The following SYAP1 variants were observed in gnomAD, a reference collection of about 807,000 sequenced individuals.
The protein encoded by SYAP1 is synapse associated protein 1, also known as synapse-associated protein 1.
Under a neutral mutation model 29.6 loss-of-function variants are expected in SYAP1, and 3 were observed. The observed-to-expected ratio is 0.10, with a 90% CI of 0.05 to 0.26. The LOEUF (loss-of-function observed/expected upper bound fraction) is 0.26. Among genes scored for constraint, SYAP1 ranks in the 10% least tolerant of loss-of-function variants. SYAP1 has a pLI of 1.00. For missense variants in SYAP1, 217 were observed against 264.1 expected (o/e 0.82, Z 1.24); for synonymous variants, 102 against 102.7 (o/e 0.99, Z 0.04).
chrX:16,746,522 C>A (rs933390171), intron 5 of SYAP1, among the ~76,000 whole-genome samples: 1 of 111,251 alleles, frequency 9.0e-6, no homozygotes, highest in Admixed American at 9.6e-5. Context: ...CAGGCGTGAG[C>A]CACTGCGCCC....
At chrX:16,757,879 C>G (rs1926885703) in intron 8 of SYAP1, among the ~76,000 whole-genome samples, 1 of 108,918 alleles carries the variant, frequency 9.2e-6, no homozygotes, top group Admixed American at 9.9e-5. Flanking sequence ...TGCACTCCAG[C>G]CTGGGTGACA....
rs1445192126 is a variant in SYAP1 at position 16,762,870 on chromosome X, C to G, written c.*2511C>G. ...CTGGTCTAATATGCTCTCAGGGAAG[C>G]TGAGGTTTCTACTGCTTTTTACTTT... On this transcript the variant is annotated 3_prime_UTR_variant, in exon 9 of 9. Transcript: ENST00000380155. 1 of 111,591 alleles carries G rather than the reference C, an allele frequency of 9.0e-6. No homozygotes were observed. The highest frequency in any genetic ancestry group is 1.9e-5 in the Non-Finnish European group (1 of 53,192). 9.2% of individuals were successfully genotyped at this position (111,591 alleles called of 1,213,427 possible).
chrX:16,754,162 GAAC>G (rs1287375768), intron 5 of SYAP1, among the ~76,000 whole-genome samples: 1 of 111,417 alleles, frequency 9.0e-6, no homozygotes, highest in East Asian at 2.8e-4. Flanking sequence ...CTTTCATAAG[GAAC>G]AACAGCCACA....
At chrX:16,728,302 A>G (rs1386803822) in intron 1 of SYAP1, among the ~76,000 whole-genome samples, 4 of 111,516 alleles carry the variant, frequency 3.6e-5, no homozygotes, top group Non-Finnish European at 3.8e-5. Flanking sequence ...ACAATCTCCA[A>G]AGTTATCAGA....
chrX:16,744,964 C>G (rs759700633), intron 5 of SYAP1, among the ~76,000 whole-genome samples: 1 of 112,408 alleles, frequency 8.9e-6, no homozygotes, highest in African/African-American at 3.2e-5. Context: ...GAGACCCTGT[C>G]TCAAATAAAA....
At chrX:16,753,756 T>C (rs1362346182) in intron 5 of SYAP1, among the ~76,000 whole-genome samples, 2 of 111,891 alleles carry the variant, frequency 1.8e-5, no homozygotes, top group African/African-American at 6.5e-5. Context: ...TGGTGCTACC[T>C]CATGACGGAG....
chrX:16,748,595 TA>T (rs890688792), intron 5 of SYAP1, among the ~76,000 whole-genome samples: 17 of 111,881 alleles, frequency 1.5e-4, no homozygotes, highest in Non-Finnish European at 2.6e-4. Context: ...CTGATGACAG[TA>T]GGGAAATCAC....
At chrX:16,727,608 G>T (rs1167970006) in intron 1 of SYAP1, among the ~76,000 whole-genome samples, 1 of 111,217 alleles carries the variant, frequency 9.0e-6, no homozygotes, top group Non-Finnish European at 1.9e-5. Flanking sequence ...CTCCCGAAGT[G>T]CTGGGATTAC....
At chrX:16,755,262 A>T (rs1213123940) in intron 6 of SYAP1, among the ~76,000 whole-genome samples, 169 bp downstream of exon 6, 9 of 111,301 alleles carry the variant, frequency 8.1e-5, no homozygotes, top group African/African-American at 2.9e-4. Flanking sequence ...GACCCAGCTC[A>T]CACATGTCTT....
intron 1 of SYAP1, among the ~76,000 whole-genome samples, chrX:16,730,651 A>G (rs917421745): frequency 1.8e-5 from 2 of 112,464 alleles, no homozygotes; most frequent in Admixed American, 9.5e-5. Context: ...TTTAAATTGT[A>G]CAATATTTGT....
At chrX:16,745,200 G>C (rs1926569541) in intron 5 of SYAP1, among the ~76,000 whole-genome samples, 1 of 112,099 alleles carries the variant, frequency 8.9e-6, no homozygotes, top group African/African-American at 3.2e-5. Context: ...CTCCTGCCTG[G>C]CTGCAGGCAG....
chrX:16,719,675 C>T lies in SYAP1; in HGVS notation c.-50C>T. 3 of 1,174,656 alleles carry T rather than the reference C, an allele frequency of 2.6e-6. No individual in the cohort carries two copies. The highest frequency in any genetic ancestry group is 4.9e-5 in the Admixed American group (2 of 40,662). ...AGAGTGGAGTCAAAGGCAACCAGTG[C>T]TCGCTGCGGTCTCTGGGGATCGGGA... On this transcript the variant is annotated 5_prime_UTR_variant, in exon 1 of 9. Coordinates refer to ENST00000380155, the MANE Select transcript of SYAP1 (RefSeq NM_032796.4).
At chrX:16,735,107 A>T (rs1698556131) in intron 1 of SYAP1, 120 bp from the exon 2 acceptor site, 2 of 411,145 alleles carry the variant, frequency 4.9e-6, no homozygotes, top group Non-Finnish European at 8.3e-6. Context: ...AGTGCTTCTC[A>T]TTACTTGTTT....
rs766185365 is a variant in SYAP1 at position 16,727,430 on chromosome X, G to A, written c.175+7531G>A. Among the ~76,000 whole-genome samples the A allele has an allele frequency of 5.9e-5, 6 of 102,274 alleles. No individual in the cohort carries two copies. In the East Asian group the frequency reaches 1.5e-3, roughly 26 times the overall value. 88.8% of individuals were successfully genotyped at this position (102,274 alleles called of 115,157 possible). On this transcript the variant is annotated intron_variant, in intron 1 of 8. Transcript: ENST00000380155. ...ATGATCTCGGCTCACTGCAACCTCC[G>A]CCTCCCGGGTTCAAGTGATTCTTCT... is the stretch of plus-strand genomic sequence containing the variant.
Position 16,764,396 on chromosome X carries a change from T to TG in SYAP1, c.*4038dup, listed in dbSNP as rs1290983108. Reference sequence around the variant, plus strand: ...TTTTTTTTGAGATGGAGGCTCACTCTGTTGCCCTGGCTGGAGTGCAGTGGC... The same window carrying TG: ...TTTTTTTTGAGATGGAGGCTCACTCTGGTTGCCCTGGCTGGAGTGCAGTGGC... On this transcript the variant is annotated 3_prime_UTR_variant, in exon 9 of 9. Transcript: ENST00000380155. The TG allele has an allele frequency of 9.7e-6, 1 of 102,637 alleles. No homozygotes were observed. Among genetic ancestry groups the TG allele is most frequent in the Admixed American group, 1.1e-4 (1 of 9,519 alleles). 8.5% of individuals were successfully genotyped at this position (102,637 alleles called of 1,213,427 possible).
chrX:16,729,631 G>A (rs1049096208), intron 1 of SYAP1, among the ~76,000 whole-genome samples: 4 of 109,441 alleles, frequency 3.7e-5, no homozygotes, highest in African/African-American at 1.0e-4. Flanking sequence ...GACTACAGAC[G>A]TGCCACCATG....
At chrX:16,731,655 A>G (rs1271494959) in intron 1 of SYAP1, among the ~76,000 whole-genome samples, 1 of 112,098 alleles carries the variant, frequency 8.9e-6, no homozygotes, top group African/African-American at 3.2e-5. Context: ...AAATTACACA[A>G]GCAGCCGGGC....
intron 5 of SYAP1, among the ~76,000 whole-genome samples, chrX:16,745,758 A>G (rs1321830867): frequency 9.3e-6 from 1 of 108,027 alleles, no homozygotes; most frequent in East Asian, 2.9e-4. Context: ...AAAAAAGATT[A>G]CTGTCTGCCC....
chrX:16,728,491 A>G lies in SYAP1; in HGVS notation c.176-6736A>G, dbSNP rs1316377290. On this transcript the variant is annotated intron_variant, in intron 1 of 8. Coordinates refer to ENST00000380155, the MANE Select transcript of SYAP1 (RefSeq NM_032796.4). ...AGACCAGCCTGGCCAACATGGTGAAACGCCATCTCTACAAAAATACAAACA... is the reference window on the plus strand; with the variant it reads ...AGACCAGCCTGGCCAACATGGTGAAGCGCCATCTCTACAAAAATACAAACA... Among the ~76,000 whole-genome samples the G allele has an allele frequency of 1.2e-4, 13 of 110,711 alleles. No individual in the cohort carries two copies. The Admixed American group carries it at 1.3e-3, about 11-fold the overall frequency.
Sources: allele counts gnomAD v4.1 joint callset (sites outside exome capture counted in the v4.1 genomes callset), GRCh38; gene constraint gnomAD v4.1.1; transcripts MANE v1.5; gene names NCBI Gene and HGNC (gene_info 2026-07-23, HGNC 2026-07-21).